TRPM3: variants seen among roughly 807,000 people sequenced by gnomAD.
TRPM3 encodes the protein transient receptor potential cation channel subfamily M member 3.
Under a neutral mutation model 181.2 loss-of-function variants are expected in TRPM3, and 77 were observed. The observed-to-expected ratio is 0.42, with a 90% CI of 0.35 to 0.51. The LOEUF (loss-of-function observed/expected upper bound fraction) is 0.51. Ranked by LOEUF, TRPM3 falls within the 20% of genes least tolerant of loss-of-function variation. TRPM3 has a pLI of 0.01. For synonymous variants in TRPM3, 745 were observed against 796.4 expected, an observed-to-expected ratio of 0.94 and a Z score of 1.09; for missense variants, 1,759 against 2,196.7, an observed-to-expected ratio of 0.80 and a Z score of 3.98.
chr9:71,230,287 G>A (rs765031583), intron 1 of TRPM3, among the ~76,000 whole-genome samples: 2 of 151,564 alleles, frequency 1.3e-5, no homozygotes, highest in East Asian at 2.0e-4. Context: ...TGTGCAGATC[G>A]AGAGCAGAAG....
At chr9:71,009,241 T>C (rs1391009810) in intron 1 of TRPM3, among the ~76,000 whole-genome samples, 1 of 151,960 alleles carries the variant, frequency 6.6e-6, no homozygotes, top group Non-Finnish European at 1.5e-5. Flanking sequence ...GAGAAAGGAA[T>C]AAAGGGCACT....
intron 20 of TRPM3, among the ~76,000 whole-genome samples, chr9:70,601,545 C>T (rs923610177): frequency 6.6e-6 from 1 of 152,124 alleles, no homozygotes; most frequent in Non-Finnish European, 1.5e-5. Flanking sequence ...CAGGGCAGGA[C>T]ACAGGGGTTG....
chr9:71,279,014 C>T (rs953965992), intron 1 of TRPM3, among the ~76,000 whole-genome samples: 2 of 138,242 alleles, frequency 1.4e-5, no homozygotes, highest in Admixed American at 7.9e-5. Flanking sequence ...TCTCTCCTCA[C>T]CAAACTTATC....
chr9:71,061,907 G>A (rs1456209114), intron 1 of TRPM3, among the ~76,000 whole-genome samples: 2 of 151,950 alleles, frequency 1.3e-5, no homozygotes, highest in African/African-American at 4.8e-5. Flanking sequence ...AAGGGGAGAG[G>A]GGTAATGGGG....
At chr9:71,401,197 C>CAAAAAAAAAAAA (rs59425467) in intron 1 of TRPM3, among the ~76,000 whole-genome samples, 1 of 105,820 alleles carries the variant, frequency 9.5e-6, no homozygotes, top group African/African-American at 4.0e-5. Flanking sequence ...GACACCATCG[C>CAAAAAAAAAAAA]AAAAAAAAAA....
At position 71,240,572 on chromosome 9, in the gene TRPM3, A is replaced by C. The variant is rs2081604224; in HGVS notation, c.183+206081T>G. Among the ~76,000 whole-genome samples the C allele has an allele frequency of 2.6e-5, 4 of 152,350 alleles. No individual in the cohort carries two copies. In the South Asian group the frequency reaches 8.3e-4, roughly 32 times the overall value. ...AACTCTGATACAAATAGTCCATGAAAGTGTCAATACAACTTTAAATGTTTG... is the reference window on the plus strand; with the variant it reads ...AACTCTGATACAAATAGTCCATGAACGTGTCAATACAACTTTAAATGTTTG... On this transcript the variant is annotated intron_variant, in intron 1 of 24. Transcript: ENST00000357533.
intron 5 of TRPM3, 151 bp downstream of exon 5, chr9:70,842,852 T>C (rs1456130693): frequency 3.0e-5 from 21 of 708,078 alleles, no homozygotes; most frequent in Non-Finnish European, 4.5e-5. Context: ...ATAAATATTT[T>C]CCCAAGATAC....
chr9:71,124,286 T>C (rs969903723), upstream of TRPM3, among the ~76,000 whole-genome samples: 6 of 151,690 alleles, frequency 4.0e-5, no homozygotes, highest in African/African-American at 1.5e-4. Flanking sequence ...CTTCCCCAGT[T>C]TTAGAGAGAG....
Position 70,533,054 on chromosome 9 carries a change from A to G in TRPM3, c.*2899T>C, listed in dbSNP as rs917776885. ...GGCTTATATATTTCACACGTTTCACAGACGTTAGAACTTAATTTTCATGCA... is the reference window on the plus strand; with the variant it reads ...GGCTTATATATTTCACACGTTTCACGGACGTTAGAACTTAATTTTCATGCA... On this transcript the variant is annotated 3_prime_UTR_variant, in exon 26 of 26. Transcript: ENST00000677713. 2 of 152,386 alleles carry G rather than the reference A, an allele frequency of 1.3e-5. No homozygotes were observed. The highest frequency in any genetic ancestry group is 4.8e-5 in the African/African-American group (2 of 41,594). The allele number at this position is 152,386 out of a possible 1,614,324, so 9.4% of individuals were successfully genotyped here.
chr9:70,658,145 C>T (rs1215895392), intron 9 of TRPM3, among the ~76,000 whole-genome samples: 2 of 152,104 alleles, frequency 1.3e-5, no homozygotes, highest in Admixed American at 1.3e-4. Context: ...ATTTAATTAG[C>T]TTCATGCTGT....
At chr9:70,629,261 A>T (rs2065331967) in intron 12 of TRPM3, among the ~76,000 whole-genome samples, 1 of 114,092 alleles carries the variant, frequency 8.8e-6, no homozygotes, top group African/African-American at 3.1e-5. Context: ...AGGGGGCGAT[A>T]TTCACCTAAC....
rs2062701378 is a variant in TRPM3, at chr9:70,615,843, A to G, written c.2526+65T>C. ...CCTAAGGAGTTACTGAATCTTGAGC[A>G]TATCGGTGGGACAAGTGGATTAGGA... On this transcript the variant is annotated intron_variant, in intron 18 of 25. Transcript: ENST00000677713. The G allele has an allele frequency of 2.0e-6, 3 of 1,488,056 alleles. No individual in the cohort carries two copies. The East Asian group carries it at 6.8e-5, about 34-fold the overall frequency. 92.2% of individuals were successfully genotyped at this position (1,488,056 alleles called of 1,614,324 possible). A position where few individuals can be genotyped will look rare whatever the true frequency, so the allele number is the denominator to read the frequency against.
intron 1 of TRPM3, among the ~76,000 whole-genome samples, chr9:71,416,964 ATT>A (rs986552713): frequency 4.6e-5 from 7 of 151,990 alleles, no homozygotes; most frequent in African/African-American, 1.7e-4. Flanking sequence ...TACTCAGCAT[ATT>A]TTTAAGATTT....
chr9:71,015,145 A>G (rs1269445192), intron 1 of TRPM3, among the ~76,000 whole-genome samples: 3 of 152,154 alleles, frequency 2.0e-5, no homozygotes, highest in African/African-American at 7.2e-5. Context: ...TGGTACCTGA[A>G]CCATAGATGG....
In TRPM3 at chr9:70,635,241, T is replaced by A. The variant is rs2056964309; in HGVS notation, c.1602A>T (p.Thr534=). The A allele has an allele frequency of 6.2e-7, 1 of 1,613,850 alleles. No individual in the cohort carries two copies. The highest frequency in any genetic ancestry group is 1.3e-5 in the African/African-American group (1 of 74,988). The change falls in exon 12 of 26, where the codon ACA becomes ACT. Residue 534 remains threonine, a synonymous_variant. Transcript: ENST00000677713. Reference sequence around the variant, plus strand: ...TGACATCCCTGACCAAGTGGTACAATGTATTTGAGGGCCCATGTCTCTGAA... The same window carrying A: ...TGACATCCCTGACCAAGTGGTACAAAGTATTTGAGGGCCCATGTCTCTGAA... The part of the protein sequence containing the change: ...LYNTRHGPSN[T]LYHLVRDVKK...
At chr9:70,760,383 G>C (rs2077890371) in intron 8 of TRPM3, among the ~76,000 whole-genome samples, 3 of 149,482 alleles carry the variant, frequency 2.0e-5, no homozygotes, top group Admixed American at 6.8e-5. Flanking sequence ...AAGTATTCGA[G>C]CTGCAACACC....
chr9:70,784,952 C>T (rs946778881), intron 6 of TRPM3, among the ~76,000 whole-genome samples: 16 of 152,204 alleles, frequency 1.1e-4, no homozygotes, highest in Admixed American at 1.3e-4. Flanking sequence ...ACTTCTGCTT[C>T]CCAGGTTCAA....
chr9:70,616,513 T>C (rs1273629632), intron 17 of TRPM3, among the ~76,000 whole-genome samples: 1 of 2,516 alleles, frequency 4.0e-4, no homozygotes, highest in African/African-American at 4.1e-4. Context: ...CCACTGGCAT[T>C]TTTTTTTTTT....
At chr9:71,120,000 G>T (rs1229325767) in intron 1 of TRPM3, among the ~76,000 whole-genome samples, 1 of 152,138 alleles carries the variant, frequency 6.6e-6, no homozygotes, top group South Asian at 2.1e-4. Flanking sequence ...ATACCAGTTG[G>T]TGTTTAACAA....
Sources: gnomAD v4.1 joint callset for allele counts (sites outside exome capture counted in the v4.1 genomes callset) on GRCh38, gnomAD v4.1.1 for gene constraint, MANE v1.5 for transcripts, NCBI Gene and HGNC (gene_info 2026-07-23, HGNC 2026-07-21) for gene names.